Variants in LHFPL4 observed in about 807,000 individuals in gnomAD.
LHFPL4 encodes LHFPL tetraspan subfamily member 4 protein.
A neutral mutation model predicts 20.0 loss-of-function variants in LHFPL4; 6 were observed. That is an observed-to-expected ratio of 0.30 (90% CI 0.16 to 0.59). The LOEUF is 0.59. LHFPL4 is among the 20% of genes least tolerant of loss of function. The pLI, the probability that LHFPL4 is intolerant of heterozygous loss-of-function variation, is 0.88. For missense variants in LHFPL4, 215 were observed against 331.2 expected, an observed-to-expected ratio of 0.65 and a Z score of 2.72; for synonymous variants, 129 against 143.8, an observed-to-expected ratio of 0.90 and a Z score of 0.74.
intron 3 of LHFPL4, among the ~76,000 whole-genome samples, chr3:9,504,728 G>A (rs1304059074): frequency 6.6e-6 from 1 of 151,844 alleles, no homozygotes; most frequent in Non-Finnish European, 1.5e-5. Context: ...AGGAGGCTGA[G>A]GCAGTAGAAT....
chr3:9,533,623 A>T (rs887429490), intron 2 of LHFPL4, among the ~76,000 whole-genome samples: 1 of 152,150 alleles, frequency 6.6e-6, no homozygotes, highest in African/African-American at 2.4e-5. Context: ...TCTACTAAAA[A>T]TACACAAAAT....
chr3:9,503,759 C>T (rs751147489), intron 3 of LHFPL4, among the ~76,000 whole-genome samples: 2 of 152,220 alleles, frequency 1.3e-5, no homozygotes, highest in Non-Finnish European at 2.9e-5. Flanking sequence ...GGTAAGGTGG[C>T]TCACACCTGT....
Position 9,505,950 on chromosome 3 carries a change from G to A in LHFPL4, c.643+17C>T, listed in dbSNP as rs534337333. On this transcript the variant is annotated intron_variant, in intron 3 of 3. Coordinates refer to ENST00000287585, the MANE Select transcript of LHFPL4 (RefSeq NM_198560.3). The stretch of plus-strand genomic sequence containing the variant: ...GCCTGGCTCCCGCCGCTGCCCCCCA[G>A]CCCACAGCACACTCGCCTTTGTTCT... The A allele has an allele frequency of 1.1e-5, 17 of 1,610,890 alleles. No homozygotes were observed. The East Asian group carries it at 3.1e-4, about 30-fold the overall frequency.
intron 2 of LHFPL4, among the ~76,000 whole-genome samples, chr3:9,533,654 C>A (rs1028834779): frequency 6.6e-6 from 1 of 151,964 alleles, no homozygotes; most frequent in Non-Finnish European, 1.5e-5. Flanking sequence ...TGGTGGCGGG[C>A]GCCTGTAGTC....
At chr3:9,502,909 T>G (rs2046188100) in intron 3 of LHFPL4, among the ~76,000 whole-genome samples, 1 of 152,198 alleles carries the variant, frequency 6.6e-6, no homozygotes, top group African/African-American at 2.4e-5. Context: ...AGCCAAGGAC[T>G]TGGCAGTGTT....
At chr3:9,553,576 G>A (rs1207203934) in intron 1 of LHFPL4, 109 bp downstream of exon 1, 1 of 151,230 alleles carries the variant, frequency 6.6e-6, no homozygotes, top group Non-Finnish European at 1.5e-5. Context: ...CGGGGGGCTG[G>A]GGAGCGGCCG....
intron 2 of LHFPL4, among the ~76,000 whole-genome samples, chr3:9,518,725 T>C (rs945451435): frequency 6.6e-6 from 1 of 151,886 alleles, no homozygotes; most frequent in Non-Finnish European, 1.5e-5. Flanking sequence ...ATCCCTTTTA[T>C]GTCCACAAGA....
chr3:9,534,189 C>T (rs2046429854), intron 2 of LHFPL4, among the ~76,000 whole-genome samples: 1 of 151,500 alleles, frequency 6.6e-6, no homozygotes, highest in African/African-American at 2.4e-5. Flanking sequence ...TGCACTCCAG[C>T]CTGGGTGACA....
At position 9,552,746 on chromosome 3, in the gene LHFPL4, G is replaced by C; in HGVS notation, c.-67C>G. On this transcript the variant is annotated 5_prime_UTR_variant, in exon 2 of 4. Coordinates refer to ENST00000287585, the MANE Select transcript of LHFPL4 (RefSeq NM_198560.3). ...GGCCGCCGGCCCGGGACGGAGCGCC[G>C]GGCTGCCGGGCGGGAGCTGGGGACG... 3.0e-6 allele frequency: 3 copies of C among 988,378 alleles called. No individual in the cohort carries two copies. The highest frequency in any genetic ancestry group is 7.1e-5 in the East Asian group (1 of 14,040). 61.2% of individuals were successfully genotyped at this position (988,378 alleles called of 1,614,324 possible).
chr3:9,553,370 G>C (rs1369211936), intron 1 of LHFPL4, among the ~76,000 whole-genome samples: 2 of 151,098 alleles, frequency 1.3e-5, no homozygotes, highest in Non-Finnish European at 3.0e-5. Flanking sequence ...GAGCGGGATC[G>C]GGGGCTGGGA....
chr3:9,505,964 C>T lies in LHFPL4; in HGVS notation c.643+3G>A, dbSNP rs767593362. 1.9e-6 allele frequency: 3 copies of T among 1,613,794 alleles called. No individual in the cohort carries two copies. Among genetic ancestry groups the T allele is most frequent in the East Asian group, 4.5e-5 (2 of 44,882 alleles). On this transcript the variant is annotated splice_donor_region_variant and intron_variant, in intron 3 of 3. Coordinates refer to ENST00000287585, the MANE Select transcript of LHFPL4 (RefSeq NM_198560.3). ...GCTGCCCCCCAGCCCACAGCACACT[C>T]GCCTTTGTTCTCCGGCTTGAGCTCC...
At chr3:9,513,987 C>T (rs1010945195) in intron 2 of LHFPL4, among the ~76,000 whole-genome samples, 2 of 152,136 alleles carry the variant, frequency 1.3e-5, no homozygotes, top group Admixed American at 6.5e-5. Flanking sequence ...CAAGGGTGTT[C>T]GCTGCACCAC....
At chr3:9,512,998 G>A (rs754263275) in intron 2 of LHFPL4, among the ~76,000 whole-genome samples, 5 of 152,126 alleles carry the variant, frequency 3.3e-5, no homozygotes, top group Non-Finnish European at 5.9e-5. Flanking sequence ...TCACTCAGTC[G>A]CCCAGGCTGG....
chr3:9,518,587 G>T (rs1251705016), intron 2 of LHFPL4, among the ~76,000 whole-genome samples: 1 of 152,078 alleles, frequency 6.6e-6, no homozygotes, highest in African/African-American at 2.4e-5. Context: ...ATAGATATAG[G>T]TTTATTTATG....
At chr3:9,536,250 T>C (rs2046443635) in intron 2 of LHFPL4, among the ~76,000 whole-genome samples, 1 of 152,202 alleles carries the variant, frequency 6.6e-6, no homozygotes. Context: ...GTCTGAGCAC[T>C]CAGCTCTGTT....
rs1011447827 is a variant in LHFPL4 at position 9,500,592 on chromosome 3, A to T, written c.*1619T>A. The T allele has an allele frequency of 6.6e-6, 1 of 152,262 alleles. No homozygotes were observed. Among genetic ancestry groups the T allele is most frequent in the Non-Finnish European group, 1.5e-5 (1 of 68,086 alleles). 9.4% of individuals were successfully genotyped at this position (152,262 alleles called of 1,614,324 possible). ...CTCAGGTCCAAGTCCTGTGGAAATG[A>T]ACACAAGGTTGGCAAACACATGGCG... On this transcript the variant is annotated 3_prime_UTR_variant, in exon 4 of 4. Coordinates refer to ENST00000287585, the MANE Select transcript of LHFPL4 (RefSeq NM_198560.3).
chr3:9,504,360 T>A lies in LHFPL4; in HGVS notation c.643+1607A>T, dbSNP rs569007304. Among the ~76,000 whole-genome samples the A allele has an allele frequency of 2.2e-3, 326 of 145,874 alleles. 5 individuals carry two copies. Among genetic ancestry groups the A allele is most frequent in the African/African-American group, 7.8e-3 (306 of 39,062 alleles). ...GCCACTGCACTCCACCCTGGGCAAC[T>A]GAGCAAGACACTGTCTCAAGGAAAA... is the stretch of plus-strand genomic sequence containing the variant. On this transcript the variant is annotated intron_variant, in intron 3 of 3. Transcript: ENST00000287585.
rs755858628 is a variant in LHFPL4, at chr3:9,506,031, G to A, written c.579C>T (p.Leu193=). The A allele has an allele frequency of 1.9e-5, 31 of 1,614,106 alleles. No individual in the cohort carries two copies. The highest frequency in any genetic ancestry group is 2.5e-5 in the Non-Finnish European group (30 of 1,180,050). Residue 193 remains leucine, a synonymous_variant, in exon 3 of 4, where the codon CTC becomes CTT. Coordinates refer to ENST00000287585, the MANE Select transcript of LHFPL4 (RefSeq NM_198560.3). This position sits in a 1 kb window ranked among gnomAD's most constrained non-coding sequence, Gnocchi z 4.5. ...GILNALILSF[L]AFVLGNRQTD... is the part of the protein sequence containing the mutation. ...TTTGCCGGTTGCCCAGCACGAAGGC[G>A]AGGAAGGAGAGGATGAGGGCGTTGA...
At position 9,506,115 on chromosome 3, in the gene LHFPL4, C is replaced by T. The variant is rs1452624884; in HGVS notation, c.495G>A (p.Lys165=). The T allele has an allele frequency of 1.2e-6, 2 of 1,614,064 alleles. No individual in the cohort carries two copies. Among genetic ancestry groups the T allele is most frequent in the East Asian group, 4.5e-5 (2 of 44,890 alleles). Residue 165 remains lysine (K), a synonymous_variant, in exon 3 of 4, where the codon AAG becomes AAA. Transcript: ENST00000287585. This position sits in a 1 kb window ranked among gnomAD's most constrained non-coding sequence, Gnocchi z 4.5. Reference sequence around the variant, plus strand: ...GCACTGAACAGTCCCCCAGGGAGTACTTCCCCGTCTTGGCCCCACACATGT... The same window carrying T: ...GCACTGAACAGTCCCCCAGGGAGTATTTCCCCGTCTTGGCCCCACACATGT... ...IRDMCGAKTG[K]YSLGDCSVRW...
Sources: allele counts gnomAD v4.1 joint callset (sites outside exome capture counted in the v4.1 genomes callset), GRCh38; gene constraint gnomAD v4.1.1; non-coding constraint Gnocchi (gnomAD v3.1); transcripts MANE v1.5; gene names NCBI Gene and HGNC (gene_info 2026-07-23, HGNC 2026-07-21).